The following CEP41 variants were observed in gnomAD, a reference collection of about 807,000 sequenced individuals.
CEP41 encodes centrosomal protein of 41 kDa.
In CEP41, 32 loss-of-function variants were observed where a neutral mutation model predicts 44.3. The observed-to-expected ratio is 0.72, with a 90% CI of 0.54 to 0.97. CEP41 has a LOEUF of 0.97. Ranked by LOEUF, CEP41 falls within the 50% of genes least tolerant of loss-of-function variation. The probability of loss-of-function intolerance (pLI) is 0.00; values close to 1 mark genes in which losing one functional copy is unlikely to be tolerated. For missense variants in CEP41, 432 were observed against 455.2 expected, an observed-to-expected ratio of 0.95 and a Z score of 0.46; for synonymous variants, 151 against 168.5, an observed-to-expected ratio of 0.90 and a Z score of 0.80.
chr7:130,419,143 C>G, intron 2 of CEP41: 2 of 985,316 alleles, frequency 2.0e-6, no homozygotes, highest in Non-Finnish European at 2.4e-6. Flanking sequence ...TTGTTTTCCC[C>G]CTAAAGGAGA....
At chr7:130,419,674 TTGC>T in intron 2 of CEP41, 1 of 985,336 alleles carries the variant, frequency 1.0e-6, no homozygotes, top group Non-Finnish European at 1.2e-6. Context: ...TGGCTCCCCA[TTGC>T]TTCCTAACTA....
chr7:130,412,755 G>A (rs1797222143), intron 3 of CEP41, among the ~76,000 whole-genome samples: 1 of 152,188 alleles, frequency 6.6e-6, no homozygotes, highest in Non-Finnish European at 1.5e-5. Flanking sequence ...TACACACTAT[G>A]CTGAAGCCAC....
chr7:130,440,859 G>A, intron 1 of CEP41, 75 bp downstream of exon 1: 1 of 1,561,820 alleles, frequency 6.4e-7, no homozygotes, highest in Non-Finnish European at 8.7e-7. Flanking sequence ...GTCGCTGGCT[G>A]CTCTTCCCTG....
intron 1 of CEP41, 109 bp downstream of exon 1, chr7:130,440,825 C>A: frequency 7.9e-7 from 1 of 1,271,896 alleles, no homozygotes; most frequent in South Asian, 1.2e-5. Context: ...ACGCCGGCCC[C>A]TTCCCGCCTT....
At chr7:130,401,052 C>T (rs1404632240) in intron 8 of CEP41, 1 of 516,234 alleles carries the variant, frequency 1.9e-6, no homozygotes, top group East Asian at 3.6e-5. Context: ...TAAAAGACAG[C>T]ACTAGTTCCG....
At chr7:130,409,273 T>G (rs1584879358) in intron 5 of CEP41, among the ~76,000 whole-genome samples, 1 of 152,368 alleles carries the variant, frequency 6.6e-6, no homozygotes, top group East Asian at 1.9e-4. Flanking sequence ...CACATTATGG[T>G]GTCCTACTTT....
At chr7:130,420,184 G>T in intron 2 of CEP41, 1 of 419,054 alleles carries the variant, frequency 2.4e-6, no homozygotes, top group Non-Finnish European at 3.2e-6. Context: ...ACAAAAACTA[G>T]CCAGGCATGG....
chr7:130,413,503 C>A (rs1381047170), intron 3 of CEP41, among the ~76,000 whole-genome samples: 1 of 151,742 alleles, frequency 6.6e-6, no homozygotes, highest in East Asian at 1.9e-4. Flanking sequence ...ATCAATTGAA[C>A]CTGGGAGGTG....
chr7:130,429,219 C>T (rs1436927880), intron 1 of CEP41, among the ~76,000 whole-genome samples: 1 of 152,198 alleles, frequency 6.6e-6, no homozygotes, highest in African/African-American at 2.4e-5. Context: ...TGGGCAGGCT[C>T]CCGCTGCTCC....
At chr7:130,422,682 A>G (rs1023796924) in intron 2 of CEP41, among the ~76,000 whole-genome samples, 9 of 152,184 alleles carry the variant, frequency 5.9e-5, no homozygotes, top group African/African-American at 9.7e-5. Context: ...AACAAAAAAA[A>G]TCGAACACTA....
At chr7:130,417,382 C>G (rs1315531706) in intron 2 of CEP41, 15 of 1,076,098 alleles carry the variant, frequency 1.4e-5, no homozygotes, top group South Asian at 2.9e-5. Context: ...TAAAATGTGC[C>G]TTTGTGGTTA....
In CEP41 at chr7:130,434,372, T is replaced by G. The variant is rs78830756; in HGVS notation, c.34-6354A>C. Among the ~76,000 whole-genome samples, 190 of 152,310 alleles carry G rather than the reference T, an allele frequency of 1.2e-3. 1 individual carries two copies. Among genetic ancestry groups the G allele is most frequent in the African/African-American group, 4.4e-3 (181 of 41,572 alleles). On this transcript the variant is annotated intron_variant, in intron 1 of 10. Coordinates refer to ENST00000223208, the MANE Select transcript of CEP41 (RefSeq NM_018718.3). Reference sequence around the variant, plus strand: ...TATTTTTTTTAAAATTGCTTTTTGCTCTACAAAAGACCCTGTGAAGAAGAT... The same window carrying G: ...TATTTTTTTTAAAATTGCTTTTTGCGCTACAAAAGACCCTGTGAAGAAGAT...
At position 130,398,608 on chromosome 7, in the gene CEP41, CT is replaced by C. The variant is rs781955313; in HGVS notation, c.*282del. The stretch of plus-strand genomic sequence containing the variant: ...AACAAAAAAACTAAAAACGTAGATA[CT>C]TTTTTCCTATACAGTTTCACAAGAC... On this transcript the variant is annotated 3_prime_UTR_variant, in exon 11 of 11. Coordinates refer to ENST00000223208, the MANE Select transcript of CEP41 (RefSeq NM_018718.3). 12 of 597,346 alleles carry C rather than the reference CT, an allele frequency of 2.0e-5. No homozygotes were observed. The highest frequency in any genetic ancestry group is 1.8e-4 in the African/African-American group (10 of 54,798). 37.0% of individuals were successfully genotyped at this position (597,346 alleles called of 1,614,324 possible). A position where few individuals can be genotyped will look rare whatever the true frequency, so the allele number is the denominator to read the frequency against.
intron 8 of CEP41, 126 bp downstream of exon 8, chr7:130,401,755 A>C: frequency 1.5e-6 from 1 of 680,922 alleles, no homozygotes; most frequent in South Asian, 1.5e-5. Context: ...TCCAAATTCT[A>C]AAATATGCTC....
rs1796687560 is a variant in CEP41, at chr7:130,397,157, C to T, written c.*1734G>A. 2.2e-6 allele frequency: 1 copy of T among 454,388 alleles called. No individual in the cohort carries two copies. Among genetic ancestry groups the T allele is most frequent in the Non-Finnish European group, 4.4e-6 (1 of 226,790 alleles). The allele number at this position is 454,388 out of a possible 1,614,324, so 28.1% of individuals were successfully genotyped here. On this transcript the variant is annotated 3_prime_UTR_variant, in exon 11 of 11. Coordinates refer to ENST00000223208, the MANE Select transcript of CEP41 (RefSeq NM_018718.3). The stretch of plus-strand genomic sequence containing the variant: ...CTGTAAAGAAAATACAAAGCCAGAG[C>T]ATTTTGGCATTAGCAAAGGCTGAAC...
chr7:130,399,243 G>C, intron 10 of CEP41: 1 of 625,860 alleles, frequency 1.6e-6, no homozygotes, highest in Non-Finnish European at 2.8e-6. Context: ...CAGAAATGAA[G>C]GGAAACCCAG....
rs962686022 is a variant in CEP41 at position 130,423,894 on chromosome 7, G to A, written c.97+4061C>T. On this transcript the variant is annotated intron_variant, in intron 2 of 10. Coordinates refer to ENST00000223208, the MANE Select transcript of CEP41 (RefSeq NM_018718.3). ...ACATACTGTATGATTGCATCTACAC[G>A]AAATGTTCAGAATAGCCAAATCCAT... 3.9e-5 allele frequency among the ~76,000 whole-genome samples: 6 copies of A among 152,164 alleles called. 1 individual carries two copies. The highest frequency in any genetic ancestry group is 4.1e-4 in the South Asian group (2 of 4,832).
At chr7:130,422,310 G>T (rs1035209660) in intron 2 of CEP41, among the ~76,000 whole-genome samples, 1 of 152,194 alleles carries the variant, frequency 6.6e-6, no homozygotes, top group African/African-American at 2.4e-5. Context: ...TCATTCCTGT[G>T]CCTATTTCCA....
chr7:130,440,569 T>G (rs1350258276), intron 1 of CEP41: 1 of 457,892 alleles, frequency 2.2e-6, no homozygotes, highest in Non-Finnish European at 4.0e-6. Context: ...TCAGAGATGC[T>G]GGCTGGCTTT....
Sources: allele counts gnomAD v4.1 joint callset (sites outside exome capture counted in the v4.1 genomes callset), GRCh38; gene constraint gnomAD v4.1.1; transcripts MANE v1.5; gene names NCBI Gene and HGNC (gene_info 2026-07-23, HGNC 2026-07-21).